RAB38: variants seen among roughly 807,000 people sequenced by gnomAD.
RAB38 encodes the protein RAB38, member RAS oncogene family, also known as ras-related protein Rab-38.
Under a neutral mutation model 18.4 loss-of-function variants are expected in RAB38, and 15 were observed. The ratio of observed to expected loss-of-function variants is 0.82; its 90% CI spans 0.55 to 1.26. The LOEUF is 1.26. Ranked by LOEUF, RAB38 falls within the 50% of genes most tolerant of loss-of-function variation. RAB38 has a pLI of 0.00. For missense variants in RAB38, 294 were observed against 267.4 expected, an observed-to-expected ratio of 1.10 and a Z score of -0.69; for synonymous variants, 101 against 104.4, an observed-to-expected ratio of 0.97 and a Z score of 0.20.
At chr11:87,881,176 C>T in the RAB38 span, among the ~76,000 whole-genome samples, 2 of 151,734 alleles carry the variant, frequency 1.3e-5, no homozygotes, top group African/African-American at 2.4e-5. Flanking sequence ...ATCTCCAGTG[C>T]CTAACAGCAC....
chr11:88,166,915 T>G lies in RAB38; in HGVS notation c.202+8268A>C, dbSNP rs531200555. 1.3e-4 allele frequency: 20 copies of G among 152,292 alleles called. 3 individuals carry two copies. Among genetic ancestry groups the G allele is most frequent in the Admixed American group, 1.2e-3 (18 of 15,284 alleles). The allele number at this position is 152,292 out of a possible 1,614,324, so 9.4% of individuals were successfully genotyped here. On this transcript the variant is annotated intron_variant, in intron 1 of 2. Transcript: ENST00000243662. Reference sequence around the variant, plus strand: ...GAAATGTTTAGATCAATGATATGTCTTAGAATTAAGGCATTGATACAATAG... The same window carrying G: ...GAAATGTTTAGATCAATGATATGTCGTAGAATTAAGGCATTGATACAATAG...
At chr11:88,031,267 A>G in the RAB38 span, among the ~76,000 whole-genome samples, 1 of 151,966 alleles carries the variant, frequency 6.6e-6, no homozygotes, top group Admixed American at 6.6e-5. Context: ...CCCACAGCCA[A>G]CATCATACTG....
chr11:87,866,486 C>T, the RAB38 span, among the ~76,000 whole-genome samples: 1 of 151,718 alleles, frequency 6.6e-6, no homozygotes, highest in Non-Finnish European at 1.5e-5. Flanking sequence ...TTTTACCTTT[C>T]TATCATAACT....
intron 1 of RAB38, among the ~76,000 whole-genome samples, chr11:88,152,651 T>C (rs780950787): frequency 9.2e-5 from 14 of 152,226 alleles, no homozygotes; most frequent in Admixed American, 3.3e-4. Flanking sequence ...CTGACAGTCC[T>C]CTTTGCTCTT....
chr11:87,961,331 T>C, the RAB38 span, among the ~76,000 whole-genome samples: 1 of 152,144 alleles, frequency 6.6e-6, no homozygotes, highest in Non-Finnish European at 1.5e-5. Context: ...ATAACAAGTT[T>C]AAGGAGAGAT....
At chr11:87,959,566 C>A in the RAB38 span, among the ~76,000 whole-genome samples, 1 of 152,140 alleles carries the variant, frequency 6.6e-6, no homozygotes, top group Non-Finnish European at 1.5e-5. Context: ...ACCAACAGCT[C>A]CTGAATTTGT....
chr11:87,935,535 T>A, the RAB38 span, among the ~76,000 whole-genome samples: 1 of 152,152 alleles, frequency 6.6e-6, no homozygotes, highest in Non-Finnish European at 1.5e-5. Context: ...AATTATTATT[T>A]TTATTATTAT....
At chr11:87,962,362 T>C in the RAB38 span, among the ~76,000 whole-genome samples, 1 of 152,134 alleles carries the variant, frequency 6.6e-6, no homozygotes, top group Non-Finnish European at 1.5e-5. Flanking sequence ...TGCAGGACAT[T>C]ACGCTAAGTA....
the RAB38 span, among the ~76,000 whole-genome samples, chr11:87,845,668 T>G: frequency 6.6e-6 from 1 of 152,094 alleles, no homozygotes; most frequent in African/African-American, 2.4e-5. Context: ...TTCATAAAAG[T>G]CTTACATTTA....
At chr11:88,074,396 T>C in the RAB38 span, among the ~76,000 whole-genome samples, 35 of 152,142 alleles carry the variant, frequency 2.3e-4, no homozygotes, top group Non-Finnish European at 4.9e-4. Flanking sequence ...AGACTAAATA[T>C]GGGGAAATGG....
the RAB38 span, among the ~76,000 whole-genome samples, chr11:87,951,466 C>T: frequency 1.6e-3 from 240 of 152,020 alleles, 1 homozygote; most frequent in African/African-American, 5.2e-3. Flanking sequence ...GGAGGAGAGG[C>T]GCTCTGCTTT....
chr11:87,822,747 T>C, the RAB38 span, among the ~76,000 whole-genome samples: 1 of 152,162 alleles, frequency 6.6e-6, no homozygotes, highest in Admixed American at 6.5e-5. Flanking sequence ...CCAGTCTATA[T>C]ACAAGGGAAG....
chr11:88,072,995 C>T, the RAB38 span, among the ~76,000 whole-genome samples: 5,063 of 152,134 alleles, frequency 0.033, 224 homozygotes, highest in South Asian at 0.074. Flanking sequence ...GAGAATTGGG[C>T]TTGTATATCT....
At chr11:88,014,967 A>C in the RAB38 span, among the ~76,000 whole-genome samples, 1 of 152,164 alleles carries the variant, frequency 6.6e-6, no homozygotes, top group Admixed American at 6.6e-5. Flanking sequence ...GAATTTCTGA[A>C]AGTGAAATTG....
chr11:88,073,760 AC>A, the RAB38 span, among the ~76,000 whole-genome samples: 9 of 152,050 alleles, frequency 5.9e-5, no homozygotes, highest in African/African-American at 1.9e-4. Flanking sequence ...AAAAAAAAAA[AC>A]AACTCAGTGA....
the RAB38 span, among the ~76,000 whole-genome samples, chr11:88,031,240 G>A: frequency 6.6e-6 from 1 of 152,028 alleles, no homozygotes; most frequent in African/African-American, 2.4e-5. Flanking sequence ...AAAATAATAA[G>A]AGCTATCTAT....
At chr11:88,091,957 A>G in the RAB38 span, among the ~76,000 whole-genome samples, 1 of 151,858 alleles carries the variant, frequency 6.6e-6, no homozygotes, top group Non-Finnish European at 1.5e-5. Context: ...GGGGTAGGTT[A>G]TTTAGAACTG....
At chr11:88,114,251 A>T in intron 2 of RAB38, 111 bp from the exon 3 acceptor site, 1 of 1,121,750 alleles carries the variant, frequency 8.9e-7, no homozygotes, top group Non-Finnish European at 1.3e-6. Context: ...TATGCTACAT[A>T]TGCATCCCCC....
At chr11:87,883,632 A>G in the RAB38 span, among the ~76,000 whole-genome samples, 2 of 151,952 alleles carry the variant, frequency 1.3e-5, no homozygotes, top group African/African-American at 4.8e-5. Context: ...GAGATGGGAA[A>G]TAGTTGCCTG....
Sources: gnomAD v4.1 joint callset for allele counts (sites outside exome capture counted in the v4.1 genomes callset) on GRCh38, gnomAD v4.1.1 for gene constraint, MANE v1.5 for transcripts, NCBI Gene and HGNC (gene_info 2026-07-23, HGNC 2026-07-21) for gene names.